Variants in CAST observed in about 807,000 individuals in gnomAD.
The protein encoded by CAST is MIR583 host.
A neutral mutation model predicts 119.6 loss-of-function variants in CAST; 76 were observed. The ratio of observed to expected loss-of-function variants is 0.64; its 90% CI spans 0.53 to 0.77. The LOEUF is 0.77. CAST is among the 30% of genes least tolerant of loss of function. The pLI, the probability that CAST is intolerant of heterozygous loss-of-function variation, is 0.00. For missense variants in CAST, 953 were observed against 946.5 expected, an observed-to-expected ratio of 1.01 and a Z score of -0.09; for synonymous variants, 319 against 331.6, an observed-to-expected ratio of 0.96 and a Z score of 0.41.
chr5:96,191,362 A>G, the CAST span, among the ~76,000 whole-genome samples: 1 of 152,244 alleles, frequency 6.6e-6, no homozygotes, highest in African/African-American at 2.4e-5. Context: ...AGTACTTTAC[A>G]TATATTAATT....
chr5:96,638,345 G>A (rs1026637361), intron 1 of CAST, among the ~76,000 whole-genome samples: 1 of 152,164 alleles, frequency 6.6e-6, no homozygotes, highest in Middle Eastern at 3.2e-3. Flanking sequence ...GGTGGAGGTT[G>A]CAGTGAGCCA....
At chr5:96,750,265 T>C (rs1365101779) in intron 19 of CAST, among the ~76,000 whole-genome samples, 1 of 152,214 alleles carries the variant, frequency 6.6e-6, no homozygotes, top group Admixed American at 6.5e-5. Flanking sequence ...GCATAGCACT[T>C]TGCCTGCATT....
the CAST span, among the ~76,000 whole-genome samples, chr5:96,206,394 A>G: frequency 2.0e-5 from 3 of 152,180 alleles, no homozygotes; most frequent in Admixed American, 2.0e-4. Context: ...TATGTCTAGA[A>G]TGGTATTTCC....
At chr5:96,289,931 GT>G in the CAST span, among the ~76,000 whole-genome samples, 62,415 of 150,684 alleles carry the variant, frequency 0.41, 13,274 homozygotes, top group Admixed American at 0.54. Context: ...TTCTTTGGAG[GT>G]TTTTTTTTTA....
chr5:96,116,785 A>T, the CAST span, among the ~76,000 whole-genome samples: 1 of 152,166 alleles, frequency 6.6e-6, no homozygotes, highest in African/African-American at 2.4e-5. Flanking sequence ...TGGGTAGTGT[A>T]TCTTCTTTCT....
At chr5:96,180,161 C>T in the CAST span, among the ~76,000 whole-genome samples, 1 of 152,186 alleles carries the variant, frequency 6.6e-6, no homozygotes, top group Non-Finnish European at 1.5e-5. Context: ...TCCTGAGGCT[C>T]TCAGTATAGT....
intron 1 of CAST, among the ~76,000 whole-genome samples, chr5:96,540,068 T>A (rs1391732906): frequency 3.9e-5 from 6 of 152,176 alleles, no homozygotes; most frequent in Non-Finnish European, 8.8e-5. Context: ...AGTATAAGAA[T>A]CTTATAACAA....
At chr5:96,404,508 T>A in the CAST span, among the ~76,000 whole-genome samples, 1 of 152,314 alleles carries the variant, frequency 6.6e-6, no homozygotes, top group Admixed American at 6.5e-5. Context: ...CCTTTTCTCC[T>A]CCCATTCCCC....
the CAST span, among the ~76,000 whole-genome samples, chr5:96,166,634 T>A: frequency 7.9e-5 from 12 of 152,088 alleles, no homozygotes; most frequent in Non-Finnish European, 1.8e-4. Context: ...TTTGAAAAAA[T>A]TTGGAGAAAA....
chr5:96,696,662 A>G (rs1295826075), intron 3 of CAST, among the ~76,000 whole-genome samples: 4 of 124,428 alleles, frequency 3.2e-5, no homozygotes, highest in Non-Finnish European at 5.2e-5. Flanking sequence ...CAGCTTGAGC[A>G]ACATAGTAAG....
At chr5:96,235,193 T>TG in the CAST span, among the ~76,000 whole-genome samples, 1 of 152,204 alleles carries the variant, frequency 6.6e-6, no homozygotes, top group Admixed American at 6.5e-5. Context: ...GAGTTTGCCT[T>TG]GGGATCATTT....
the CAST span, among the ~76,000 whole-genome samples, chr5:96,223,617 C>G: frequency 6.6e-6 from 1 of 152,242 alleles, no homozygotes; most frequent in South Asian, 2.1e-4. Context: ...CACTTCTAGC[C>G]TCCAAGACTG....
intron 1 of CAST, among the ~76,000 whole-genome samples, chr5:96,623,862 A>ATT (rs201861206): frequency 1.3e-5 from 2 of 148,286 alleles, no homozygotes; most frequent in Non-Finnish European, 3.0e-5. Flanking sequence ...ACACCTGGCT[A>ATT]TTTTTTTTTT....
chr5:96,527,587 G>C (rs1228331812), upstream of CAST, among the ~76,000 whole-genome samples: 1 of 152,152 alleles, frequency 6.6e-6, no homozygotes, highest in East Asian at 1.9e-4. Context: ...GGTGATACAA[G>C]CTAATGTCAG....
upstream of CAST, chr5:96,662,325 C>T: frequency 2.8e-6 from 2 of 711,420 alleles, no homozygotes; most frequent in South Asian, 2.5e-5. Flanking sequence ...CCTCCGCTCC[C>T]TCCCTCCCTC....
intron 1 of CAST, among the ~76,000 whole-genome samples, chr5:96,588,424 T>A (rs1039921000): frequency 6.6e-6 from 1 of 152,060 alleles, no homozygotes; most frequent in African/African-American, 2.4e-5. Context: ...ATGGCCTTGA[T>A]CTCTTGACCT....
upstream of CAST, among the ~76,000 whole-genome samples, chr5:96,657,192 G>A (rs1748172458): frequency 6.6e-6 from 1 of 152,198 alleles, no homozygotes; most frequent in Non-Finnish European, 1.5e-5. Context: ...TTGCAGGATG[G>A]CTTTATTTTC....
intron 1 of CAST, among the ~76,000 whole-genome samples, chr5:96,535,900 G>A (rs1745802677): frequency 6.6e-6 from 1 of 151,742 alleles, no homozygotes. Flanking sequence ...ACCTAAGTAT[G>A]TCCTCAGTGG....
chr5:96,153,025 A>T, the CAST span, among the ~76,000 whole-genome samples: 1 of 152,276 alleles, frequency 6.6e-6, no homozygotes, highest in Non-Finnish European at 1.5e-5. Flanking sequence ...CTTTGCCAGT[A>T]TCATATCTGA....
Sources: allele counts gnomAD v4.1 joint callset (sites outside exome capture counted in the v4.1 genomes callset), GRCh38; gene constraint gnomAD v4.1.1; transcripts MANE v1.5; gene names NCBI Gene and HGNC (gene_info 2026-07-23, HGNC 2026-07-21).